RNGTT: variants seen among roughly 807,000 people sequenced by gnomAD.
RNGTT encodes the protein RNA guanylyltransferase and 5'-phosphatase, also known as mRNA-capping enzyme.
A neutral mutation model predicts 79.3 loss-of-function variants in RNGTT; 33 were observed. The ratio of observed to expected loss-of-function variants is 0.42; its 90% CI spans 0.32 to 0.56. The LOEUF (loss-of-function observed/expected upper bound fraction) is 0.56, where lower values mean the gene tolerates loss of function less well. Ranked by LOEUF, RNGTT falls within the 20% of genes least tolerant of loss-of-function variation. The probability of loss-of-function intolerance (pLI) is 0.17; values close to 1 mark genes in which losing one functional copy is unlikely to be tolerated. For missense variants in RNGTT, 497 were observed against 739.1 expected (o/e 0.67, Z 3.80); for synonymous variants, 222 against 235.9 (o/e 0.94, Z 0.54).
chr6:88,871,150 T>C (rs1390553649), intron 8 of RNGTT, among the ~76,000 whole-genome samples: 2 of 152,156 alleles, frequency 1.3e-5, no homozygotes, highest in African/African-American at 2.4e-5. Context: ...TAAACTCCTA[T>C]AATAAGCTAT....
At chr6:88,704,271 A>AACAAAC (rs1776051769) in intron 13 of RNGTT, among the ~76,000 whole-genome samples, 5 of 147,232 alleles carry the variant, frequency 3.4e-5, no homozygotes, top group African/African-American at 1.3e-4. Context: ...AAAAAAAAAA[A>AACAAAC]AAAAAAAAAA....
intron 13 of RNGTT, among the ~76,000 whole-genome samples, chr6:88,739,805 C>T (rs1777423488): frequency 8.7e-6 from 1 of 115,298 alleles, no homozygotes; most frequent in Non-Finnish European, 1.8e-5. Context: ...TTTATCTAAA[C>T]TAACATTGTT....
chr6:88,905,104 C>T, intron 5 of RNGTT, 149 bp from the exon 6 acceptor site: 1 of 959,038 alleles, frequency 1.0e-6, no homozygotes, highest in Non-Finnish European at 1.5e-6. Context: ...TCAAGTCATT[C>T]AATCTATTAA....
chr6:88,905,517 T>C (rs913627965), intron 5 of RNGTT, among the ~76,000 whole-genome samples: 10 of 152,146 alleles, frequency 6.6e-5, no homozygotes, highest in Admixed American at 5.2e-4. Context: ...CTGATTATAT[T>C]CAAAAAAGGA....
At chr6:88,707,588 A>G (rs997648828) in intron 13 of RNGTT, among the ~76,000 whole-genome samples, 5 of 152,102 alleles carry the variant, frequency 3.3e-5, no homozygotes, top group Admixed American at 6.5e-5. Flanking sequence ...TCAAAGTAGC[A>G]AACTGTCTGG....
chr6:88,945,457 C>A (rs1220160280), intron 1 of RNGTT, among the ~76,000 whole-genome samples: 1 of 152,142 alleles, frequency 6.6e-6, no homozygotes, highest in Non-Finnish European at 1.5e-5. Context: ...TACATGACAC[C>A]CAAACTCTTG....
intron 8 of RNGTT, among the ~76,000 whole-genome samples, chr6:88,883,332 T>A (rs1782752796): frequency 6.6e-6 from 1 of 152,150 alleles, no homozygotes; most frequent in African/African-American, 2.4e-5. Context: ...TGACCTCAAC[T>A]CCTACCAAAA....
intron 14 of RNGTT, among the ~76,000 whole-genome samples, chr6:88,627,909 C>T (rs1394711059): frequency 6.6e-6 from 1 of 152,136 alleles, no homozygotes; most frequent in Admixed American, 6.6e-5. Context: ...GACCTTCTGA[C>T]CAACTGTAAC....
intron 13 of RNGTT, among the ~76,000 whole-genome samples, chr6:88,712,050 A>C (rs533446805): frequency 2.6e-4 from 40 of 152,336 alleles, no homozygotes; most frequent in Non-Finnish European, 5.3e-4. Context: ...GAATAAAAAC[A>C]AAATCAACAT....
chr6:88,806,087 T>A (rs1779943608), intron 11 of RNGTT, among the ~76,000 whole-genome samples: 1 of 152,012 alleles, frequency 6.6e-6, no homozygotes, highest in African/African-American at 2.4e-5. Context: ...CTTACCTCAG[T>A]CTCTTTTGTT....
In RNGTT at chr6:88,675,583, G is replaced by A. The variant is rs531896575; in HGVS notation, c.1506+2770C>T. On this transcript the variant is annotated intron_variant, in intron 14 of 15. Transcript: ENST00000369485. ...AATAAAAGGCATCAAGATCAGAAAGGAGAACTGTCCTTATTAGTAGAGAAC... is the reference window on the plus strand; with the variant it reads ...AATAAAAGGCATCAAGATCAGAAAGAAGAACTGTCCTTATTAGTAGAGAAC... Among the ~76,000 whole-genome samples, 4 of 151,990 alleles carry A rather than the reference G, an allele frequency of 2.6e-5. No homozygotes were observed. In the East Asian group the frequency reaches 5.8e-4, roughly 22 times the overall value.
Position 88,658,024 on chromosome 6 carries a change from G to A in RNGTT, c.1506+20329C>T, listed in dbSNP as rs59651437. Among the ~76,000 whole-genome samples, 395 of 152,214 alleles carry A rather than the reference G, an allele frequency of 2.6e-3. 3 individuals carry two copies. Among genetic ancestry groups the A allele is most frequent in the African/African-American group, 9.1e-3 (379 of 41,530 alleles). On this transcript the variant is annotated intron_variant, in intron 14 of 15. Coordinates refer to ENST00000369485, the MANE Select transcript of RNGTT (RefSeq NM_003800.5). ...AAACTCTTGGGACCTCTATGACCCCGCGATCACCTGAGAAACCCAAGTACT... is the reference window on the plus strand; with the variant it reads ...AAACTCTTGGGACCTCTATGACCCCACGATCACCTGAGAAACCCAAGTACT...
intron 13 of RNGTT, among the ~76,000 whole-genome samples, chr6:88,689,313 T>C (rs980849460): frequency 3.3e-5 from 5 of 150,714 alleles, no homozygotes; most frequent in African/African-American, 1.2e-4. Flanking sequence ...AAAAAGTCTA[T>C]ACCAGGCCAG....
intron 12 of RNGTT, among the ~76,000 whole-genome samples, chr6:88,773,922 C>T (rs935404456): frequency 1.3e-5 from 2 of 151,946 alleles, no homozygotes; most frequent in African/African-American, 2.4e-5. Flanking sequence ...GTTTTGACAC[C>T]AAAAGCATAA....
chr6:88,939,931 A>C (rs997755385), intron 2 of RNGTT, among the ~76,000 whole-genome samples: 4 of 145,968 alleles, frequency 2.7e-5, no homozygotes, highest in Non-Finnish European at 6.0e-5. Context: ...TTTTTTTTTT[A>C]ATTTTTTGTA....
chr6:88,692,838 A>AAT lies in RNGTT; in HGVS notation c.1440-14421_1440-14420dup, dbSNP rs747996036. On this transcript the variant is annotated intron_variant, in intron 13 of 15. Coordinates refer to ENST00000369485, the MANE Select transcript of RNGTT (RefSeq NM_003800.5). ...ACTTCATCTCTCAAATTTTGTTTAA[A>AAT]ATATATATATATAAAAGAAAATCTA... 3.8e-4 allele frequency among the ~76,000 whole-genome samples: 57 copies of AAT among 151,828 alleles called. No homozygotes were observed. The East Asian group carries it at 9.5e-3, about 25-fold the overall frequency.
chr6:88,808,035 C>T (rs1239875492), intron 11 of RNGTT, among the ~76,000 whole-genome samples: 1 of 151,906 alleles, frequency 6.6e-6, no homozygotes, highest in Non-Finnish European at 1.5e-5. Context: ...TTCCACCAAG[C>T]TAGAATATAA....
intron 6 of RNGTT, among the ~76,000 whole-genome samples, chr6:88,900,181 A>G (rs60533894): frequency 0.022 from 3,320 of 152,182 alleles, 123 homozygotes; most frequent in African/African-American, 0.076. Flanking sequence ...GACACGAGAA[A>G]AAAAACTTAA....
intron 14 of RNGTT, among the ~76,000 whole-genome samples, chr6:88,634,675 G>A (rs1301284571): frequency 6.6e-6 from 1 of 152,020 alleles, no homozygotes; most frequent in Non-Finnish European, 1.5e-5. Context: ...TTCAAATTCG[G>A]AGGTTCTTTT....
Sources: gnomAD v4.1 joint callset for allele counts (sites outside exome capture counted in the v4.1 genomes callset) on GRCh38, gnomAD v4.1.1 for gene constraint, MANE v1.5 for transcripts, NCBI Gene and HGNC (gene_info 2026-07-23, HGNC 2026-07-21) for gene names.